HPSE2: variants seen among roughly 807,000 people sequenced by gnomAD.
HPSE2 encodes the protein inactive heparanase-2.
In HPSE2, 38 loss-of-function variants were observed where a neutral mutation model predicts 60.5. The observed-to-expected ratio is 0.63, with a 90% CI of 0.48 to 0.82. The LOEUF (loss-of-function observed/expected upper bound fraction) is 0.82, where lower values mean the gene tolerates loss of function less well. Among genes scored for constraint, HPSE2 ranks in the 40% least tolerant of loss-of-function variants. The pLI, the probability that HPSE2 is intolerant of heterozygous loss-of-function variation, is 0.00. For synonymous variants in HPSE2, 295 were observed against 293.2 expected, an observed-to-expected ratio of 1.01 and a Z score of -0.06; for missense variants, 713 against 740.4, an observed-to-expected ratio of 0.96 and a Z score of 0.43.
At chr10:98,466,351 C>T (rs543917933) in intron 11 of HPSE2, among the ~76,000 whole-genome samples, 2 of 152,090 alleles carry the variant, frequency 1.3e-5, no homozygotes, top group Non-Finnish European at 2.9e-5. Context: ...CGGTGGCTCA[C>T]GCCTGTAATC....
chr10:98,795,145 C>T (rs930773946), intron 3 of HPSE2, among the ~76,000 whole-genome samples: 4 of 152,008 alleles, frequency 2.6e-5, no homozygotes, highest in Admixed American at 6.6e-5. Context: ...TCTCCCTGTC[C>T]CCCATCCCAA....
chr10:98,499,873 C>CT (rs894145085), intron 9 of HPSE2, among the ~76,000 whole-genome samples: 8 of 152,106 alleles, frequency 5.3e-5, no homozygotes, highest in African/African-American at 1.4e-4. Flanking sequence ...GGTAGCTATT[C>CT]TTTTTTCAGA....
intron 5 of HPSE2, among the ~76,000 whole-genome samples, chr10:98,719,792 G>A (rs1948878472): frequency 6.6e-6 from 1 of 151,550 alleles, no homozygotes; most frequent in Admixed American, 6.6e-5. Context: ...CCTGAGGTCA[G>A]GAGCTCAACA....
chr10:98,730,024 C>T (rs1224597225), intron 4 of HPSE2, among the ~76,000 whole-genome samples: 2 of 152,048 alleles, frequency 1.3e-5, no homozygotes, highest in African/African-American at 4.8e-5. Flanking sequence ...GAATATTCCA[C>T]CCAACAACAG....
In HPSE2 at chr10:98,459,310, G is replaced by T. The variant is rs1940176002; in HGVS notation, c.*264C>A. On this transcript the variant is annotated 3_prime_UTR_variant, in exon 12 of 12. Transcript: ENST00000370552. The stretch of plus-strand genomic sequence containing the variant: ...CTCGTTTTCATAGTGCACATGAAGG[G>T]AAACATTCTGCTCTATACACATGCC... The T allele has an allele frequency of 4.0e-6, 2 of 497,386 alleles. No individual in the cohort carries two copies. The highest frequency in any genetic ancestry group is 6.4e-5 in the Admixed American group (2 of 31,040). The allele number at this position is 497,386 out of a possible 1,614,324, so 30.8% of individuals were successfully genotyped here. A position where few individuals can be genotyped will look rare whatever the true frequency, so the allele number is the denominator to read the frequency against.
At chr10:98,992,415 C>G (rs74154361) in intron 3 of HPSE2, among the ~76,000 whole-genome samples, 1 of 152,048 alleles carries the variant, frequency 6.6e-6, no homozygotes, top group African/African-American at 2.4e-5. Flanking sequence ...AGAACACAGG[C>G]ATGTGATTAT....
chr10:98,492,619 G>T (rs1196425232), intron 9 of HPSE2, among the ~76,000 whole-genome samples: 1 of 151,872 alleles, frequency 6.6e-6, no homozygotes, highest in Non-Finnish European at 1.5e-5. Context: ...CCATAATTGA[G>T]TGGCAAACTT....
intron 3 of HPSE2, among the ~76,000 whole-genome samples, chr10:99,130,833 C>A (rs1845355492): frequency 6.6e-6 from 1 of 152,128 alleles, no homozygotes; most frequent in Non-Finnish European, 1.5e-5. Context: ...AGTATCTTAT[C>A]AGCTAATTGC....
chr10:98,952,084 C>CA (rs1415493970), intron 3 of HPSE2, among the ~76,000 whole-genome samples: 2 of 152,180 alleles, frequency 1.3e-5, no homozygotes, highest in African/African-American at 2.4e-5. Context: ...CTTAGGTATA[C>CA]AAGTGGATCA....
intron 3 of HPSE2, among the ~76,000 whole-genome samples, chr10:98,864,678 C>T (rs1461926880): frequency 2.0e-5 from 3 of 152,076 alleles, no homozygotes; most frequent in African/African-American, 7.2e-5. Context: ...ACACAAGCTG[C>T]CCTTAAAGAA....
intron 7 of HPSE2, among the ~76,000 whole-genome samples, chr10:98,621,273 C>T (rs748410446): frequency 7.0e-4 from 106 of 152,100 alleles, no homozygotes; most frequent in Non-Finnish European, 1.2e-3. Flanking sequence ...CCACAAATGA[C>T]GCATCCCACA....
chr10:99,302,217 G>A, the HPSE2 span, among the ~76,000 whole-genome samples: 1 of 152,022 alleles, frequency 6.6e-6, no homozygotes, highest in East Asian at 1.9e-4. Context: ...CCTCCAATTA[G>A]GAAAAGACTT....
chr10:98,475,246 T>C lies in HPSE2; in HGVS notation c.1613+7390A>G, dbSNP rs142126973. 7.6e-3 allele frequency among the ~76,000 whole-genome samples: 1,152 copies of C among 151,854 alleles called. 8 individuals carry two copies. The highest frequency in any genetic ancestry group is 1.0e-2 in the Non-Finnish European group (678 of 67,960). ...CATTCTCCTGCCTCATCCTCCCGAGTAGCTGGAACTACAGGCACCCGCCAC... is the reference window on the plus strand; with the variant it reads ...CATTCTCCTGCCTCATCCTCCCGAGCAGCTGGAACTACAGGCACCCGCCAC... On this transcript the variant is annotated intron_variant, in intron 11 of 11. Coordinates refer to ENST00000370552, the MANE Select transcript of HPSE2 (RefSeq NM_021828.5).
At chr10:99,158,980 A>G (rs1274773675) in intron 2 of HPSE2, among the ~76,000 whole-genome samples, 1 of 152,186 alleles carries the variant, frequency 6.6e-6, no homozygotes, top group Non-Finnish European at 1.5e-5. Flanking sequence ...TTGAGTTTCA[A>G]AAGATTCATG....
chr10:98,915,691 T>C (rs1232353695), intron 3 of HPSE2, among the ~76,000 whole-genome samples: 2 of 152,286 alleles, frequency 1.3e-5, no homozygotes, highest in African/African-American at 2.4e-5. Flanking sequence ...GAAAACTTGA[T>C]AAAATGCTCT....
intron 3 of HPSE2, among the ~76,000 whole-genome samples, chr10:99,053,791 C>T (rs1397897821): frequency 8.5e-6 from 1 of 117,058 alleles, no homozygotes; most frequent in Non-Finnish European, 1.6e-5. Context: ...TGCAGTGGTA[C>T]AATCTTGGTT....
At chr10:99,072,021 G>GTT (rs1393638848) in intron 3 of HPSE2, among the ~76,000 whole-genome samples, 3 of 84,314 alleles carry the variant, frequency 3.6e-5, no homozygotes, top group Non-Finnish European at 9.6e-5. Context: ...CTCTAACTTT[G>GTT]TTTGTTTTTT....
At chr10:99,081,704 T>A (rs896980501) in intron 3 of HPSE2, among the ~76,000 whole-genome samples, 4 of 152,000 alleles carry the variant, frequency 2.6e-5, no homozygotes, top group Admixed American at 6.6e-5. Context: ...TGGCGTGATC[T>A]CGGCTCACTG....
At chr10:99,308,398 G>GAAAAAAAAAAAAAAAAAAAAAAA in the HPSE2 span, among the ~76,000 whole-genome samples, 560 of 55,882 alleles carry the variant, frequency 0.01, no homozygotes, top group Non-Finnish European at 0.014. Flanking sequence ...AAAAAAAAAG[G>GAAAAAAAAAAAAAAAAAAAAAAA]AAACCATCAA....
Sources: gnomAD v4.1 joint callset for allele counts (sites outside exome capture counted in the v4.1 genomes callset) on GRCh38, gnomAD v4.1.1 for gene constraint, MANE v1.5 for transcripts, NCBI Gene and HGNC (gene_info 2026-07-23, HGNC 2026-07-21) for gene names.